Variants in NBAS observed in about 807,000 individuals in gnomAD.
NBAS encodes NBAS subunit of NRZ tethering complex, also known as NAG/BC035112 fusion.
NBAS carries 219 observed loss-of-function variants against 302.5 expected under a neutral mutation model. The observed-to-expected ratio is 0.72, with a 90% CI of 0.65 to 0.81. The LOEUF (loss-of-function observed/expected upper bound fraction) is 0.81. Among genes scored for constraint, NBAS ranks in the 30% least tolerant of loss-of-function variants. The probability of loss-of-function intolerance (pLI) is 0.00; values close to 1 mark genes in which losing one functional copy is unlikely to be tolerated. For synonymous variants in NBAS, 1,118 were observed against 1,021.6 expected (o/e 1.09, Z -1.80); for missense variants, 2,932 against 2,841.6 (o/e 1.03, Z -0.72).
rs528144699 is a variant in NBAS, at chr2:15,279,645, T to C, written c.5139-2544A>G. On this transcript the variant is annotated intron_variant, in intron 42 of 51. Coordinates refer to ENST00000281513, the MANE Select transcript of NBAS (RefSeq NM_015909.4). ...ACTTTCCCTCTTGCCCACTCACTTA[T>C]TCTTCTGTGCCTACAATTTAGTTTG... 4.2e-4 allele frequency among the ~76,000 whole-genome samples: 64 copies of C among 152,330 alleles called. 1 individual carries two copies. Among genetic ancestry groups the C allele is most frequent in the Admixed American group, 2.7e-3 (41 of 15,296 alleles).
Position 15,234,646 on chromosome 2 carries a change from T to C in NBAS, c.6045A>G (p.Leu2015=), listed in dbSNP as rs1413533970. Residue 2015 remains leucine, a synonymous_variant, in exon 46 of 52, where the codon CTA becomes CTG. Transcript: ENST00000281513. ...AVAICLDGQP[L]AMIQQLLEVA... ...CCTCTAGCAGCTGCTGAATCATTGC[T>C]AGAGGCTGACCATCTAAACAAATAG... 36 of 1,614,182 alleles carry C rather than the reference T, an allele frequency of 2.2e-5. No homozygotes were observed. The highest frequency in any genetic ancestry group is 3.1e-5 in the Non-Finnish European group (36 of 1,180,012).
chr2:14,779,944 G>A, the NBAS span, among the ~76,000 whole-genome samples: 2 of 152,222 alleles, frequency 1.3e-5, no homozygotes, highest in South Asian at 2.1e-4. Flanking sequence ...ATGACCCAAA[G>A]GGCCCATTTC....
At chr2:14,877,448 G>T in the NBAS span, among the ~76,000 whole-genome samples, 2 of 152,096 alleles carry the variant, frequency 1.3e-5, no homozygotes, top group East Asian at 1.9e-4. Flanking sequence ...TTCTACATTG[G>T]ATAATGTTAC....
chr2:15,068,096 G>T, the NBAS span, among the ~76,000 whole-genome samples: 1 of 152,166 alleles, frequency 6.6e-6, no homozygotes, highest in Non-Finnish European at 1.5e-5. Context: ...ATGATCTAAA[G>T]TTGAGGAACT....
rs1239758060 is a variant in NBAS, at chr2:15,238,454, T to G, written c.5943+14A>C. ...TGATACAGAGTGAGCATATAGAAGTTCCCATTTCTTTACCTGCTCACTATT... is the reference window on the plus strand; with the variant it reads ...TGATACAGAGTGAGCATATAGAAGTGCCCATTTCTTTACCTGCTCACTATT... On this transcript the variant is annotated intron_variant, in intron 45 of 51. Coordinates refer to ENST00000281513, the MANE Select transcript of NBAS (RefSeq NM_015909.4). 2 of 1,609,694 alleles carry G rather than the reference T, an allele frequency of 1.2e-6. No homozygotes were observed. The highest frequency in any genetic ancestry group is 1.7e-5 in the Admixed American group (1 of 59,990).
chr2:15,199,929 T>C (rs1324987219), intron 48 of NBAS, among the ~76,000 whole-genome samples: 1 of 120,182 alleles, frequency 8.3e-6, no homozygotes, highest in Non-Finnish European at 1.7e-5. Context: ...TGAGACAGGG[T>C]CTTACTCCGT....
intron 51 of NBAS, 51 bp from the exon 52 acceptor site, chr2:15,167,374 C>T (rs781464233): frequency 3.1e-6 from 5 of 1,604,580 alleles, no homozygotes; most frequent in Admixed American, 3.4e-5. Flanking sequence ...CTTTGTTCGC[C>T]TCCCCCTTGG....
chr2:15,212,149 CTT>C (rs917103020), intron 48 of NBAS, among the ~76,000 whole-genome samples: 5 of 152,174 alleles, frequency 3.3e-5, no homozygotes, highest in Non-Finnish European at 1.5e-5. Flanking sequence ...TTTCTACCCT[CTT>C]GTTTGTTCGC....
chr2:15,075,850 G>A, the NBAS span, among the ~76,000 whole-genome samples: 1 of 152,062 alleles, frequency 6.6e-6, no homozygotes, highest in Non-Finnish European at 1.5e-5. Context: ...CTTGCCTCTA[G>A]GAATGAAGTT....
chr2:15,513,318 G>A (rs926988599), intron 9 of NBAS, among the ~76,000 whole-genome samples: 6 of 152,152 alleles, frequency 3.9e-5, no homozygotes, highest in African/African-American at 7.2e-5. Flanking sequence ...GAGCTAACAC[G>A]TAATTAACCC....
chr2:15,172,529 A>C (rs117508297), intron 51 of NBAS, among the ~76,000 whole-genome samples: 1 of 152,286 alleles, frequency 6.6e-6, no homozygotes, highest in East Asian at 1.9e-4. Context: ...ATTGCTTTAA[A>C]ACTCAGAACT....
chr2:14,972,852 G>A, the NBAS span, among the ~76,000 whole-genome samples: 2 of 152,122 alleles, frequency 1.3e-5, no homozygotes, highest in African/African-American at 4.8e-5. Flanking sequence ...TTAAGCCCTC[G>A]GCTGTCTCCA....
At chr2:15,016,376 G>A in the NBAS span, among the ~76,000 whole-genome samples, 2 of 152,054 alleles carry the variant, frequency 1.3e-5, no homozygotes, top group South Asian at 4.2e-4. Context: ...GTTTGGTTGG[G>A]GACACAGACA....
chr2:14,978,949 A>ATTGCAC, the NBAS span, among the ~76,000 whole-genome samples: 1 of 152,154 alleles, frequency 6.6e-6, no homozygotes, highest in African/African-American at 2.4e-5. Flanking sequence ...AAATTGCAAA[A>ATTGCAC]CTTGAATAGA....
At chr2:15,254,870 C>T (rs1204300389) in intron 44 of NBAS, among the ~76,000 whole-genome samples, 1 of 151,998 alleles carries the variant, frequency 6.6e-6, no homozygotes, top group Non-Finnish European at 1.5e-5. Flanking sequence ...GTCATTATTT[C>T]ATTTCTTTTT....
At chr2:15,553,675 A>G (rs1413919328) in intron 4 of NBAS, among the ~76,000 whole-genome samples, 1 of 152,070 alleles carries the variant, frequency 6.6e-6, no homozygotes, top group Non-Finnish European at 1.5e-5. Flanking sequence ...ATGAATTAAC[A>G]TGTTTAAGCT....
the NBAS span, among the ~76,000 whole-genome samples, chr2:15,113,449 G>C: frequency 0.044 from 6,729 of 151,448 alleles, 191 homozygotes; most frequent in South Asian, 0.11. Flanking sequence ...GGACATCTTG[G>C]GGAAATGGAT....
the NBAS span, among the ~76,000 whole-genome samples, chr2:15,052,191 C>A: frequency 6.6e-6 from 1 of 152,198 alleles, no homozygotes; most frequent in Non-Finnish European, 1.5e-5. Context: ...AAAACTGCTT[C>A]ATAATGCATT....
At chr2:15,186,609 C>G (rs1665098788) in intron 50 of NBAS, 133 bp downstream of exon 50, 1 of 1,336,610 alleles carries the variant, frequency 7.5e-7, no homozygotes. Context: ...TCTGATCCAT[C>G]AGAAATTATG....
Sources: gnomAD v4.1 joint callset for allele counts (sites outside exome capture counted in the v4.1 genomes callset) on GRCh38, gnomAD v4.1.1 for gene constraint, MANE v1.5 for transcripts, NCBI Gene and HGNC (gene_info 2026-07-23, HGNC 2026-07-21) for gene names.